The following CDH13 variants were observed in gnomAD, a reference collection of about 807,000 sequenced individuals.
CDH13 encodes the protein cadherin-13.
In CDH13, 24 loss-of-function variants were observed where a neutral mutation model predicts 63.8. That is an observed-to-expected ratio of 0.38 (90% CI 0.27 to 0.53). CDH13 has a LOEUF of 0.53. CDH13 is among the 20% of genes least tolerant of loss of function. The pLI is 0.85. For synonymous variants in CDH13, 503 were observed against 355.3 expected, an observed-to-expected ratio of 1.42 and a Z score of -4.67; for missense variants, 1,049 against 903.1, an observed-to-expected ratio of 1.16 and a Z score of -2.07.
chr16:83,688,135 C>T (rs1230621633), intron 10 of CDH13, among the ~76,000 whole-genome samples: 2 of 152,198 alleles, frequency 1.3e-5, no homozygotes, highest in Non-Finnish European at 2.9e-5. Flanking sequence ...TCATCAAGTC[C>T]TTTTCTTTAA....
chr16:83,422,035 C>T (rs192192425), intron 6 of CDH13, among the ~76,000 whole-genome samples: 4 of 152,100 alleles, frequency 2.6e-5, no homozygotes, highest in Non-Finnish European at 4.4e-5. Context: ...AAGTTAAGTT[C>T]TGACTTATTC....
chr16:83,718,155 G>C (rs1483388646), intron 10 of CDH13, among the ~76,000 whole-genome samples: 1 of 152,194 alleles, frequency 6.6e-6, no homozygotes, highest in Admixed American at 6.5e-5. Context: ...AGCAGGAAGT[G>C]GGACAGGAGA....
intron 7 of CDH13, among the ~76,000 whole-genome samples, chr16:83,501,597 C>A (rs1036414779): frequency 6.6e-6 from 1 of 152,208 alleles, no homozygotes; most frequent in Admixed American, 6.5e-5. Context: ...GTCCATAACA[C>A]TCACAGGAGC....
chr16:82,761,972 A>G (rs961264856), intron 1 of CDH13, among the ~76,000 whole-genome samples: 3 of 152,238 alleles, frequency 2.0e-5, no homozygotes, highest in African/African-American at 7.2e-5. Context: ...TTAAAGGCAC[A>G]AAAGCTAAAA....
At chr16:83,676,057 A>G (rs1171452593) in intron 9 of CDH13, among the ~76,000 whole-genome samples, 3 of 152,288 alleles carry the variant, frequency 2.0e-5, no homozygotes, top group Admixed American at 2.0e-4. Context: ...GCTGCAAATA[A>G]TGACATCCCC....
chr16:83,500,305 TCTC>T (rs1174127202), intron 7 of CDH13, among the ~76,000 whole-genome samples: 1 of 820 alleles, frequency 1.2e-3, no homozygotes, highest in African/African-American at 1.4e-3. Flanking sequence ...TCCTTCTCCT[TCTC>T]CTTCTCCTTC....
chr16:82,782,426 C>T (rs762694103), intron 1 of CDH13, among the ~76,000 whole-genome samples: 16 of 151,964 alleles, frequency 1.1e-4, no homozygotes, highest in Admixed American at 7.9e-4. Context: ...CAGGCAAGTG[C>T]CTGTAATCCT....
chr16:83,528,416 C>T (rs545948597), intron 7 of CDH13, among the ~76,000 whole-genome samples: 10 of 152,194 alleles, frequency 6.6e-5, no homozygotes, highest in Admixed American at 2.6e-4. Context: ...TGCAGTTGGG[C>T]GGTCTGGATG....
intron 2 of CDH13, among the ~76,000 whole-genome samples, chr16:83,022,095 G>C (rs72794179): frequency 0.16 from 24,387 of 152,186 alleles, 2,215 homozygotes; most frequent in East Asian, 0.23. Context: ...TTAAAAGGAA[G>C]GTGGTGCCTC....
chr16:83,046,451 A>G (rs182142486), intron 3 of CDH13, among the ~76,000 whole-genome samples: 75 of 152,336 alleles, frequency 4.9e-4, no homozygotes, highest in Non-Finnish European at 1.0e-3. Context: ...AAGGATAGAA[A>G]AAGAAAAGAA....
chr16:82,767,767 C>A (rs1263769174), intron 1 of CDH13, among the ~76,000 whole-genome samples: 1 of 152,160 alleles, frequency 6.6e-6, no homozygotes, highest in African/African-American at 2.4e-5. Context: ...CACTGGACTG[C>A]CATCCCATTA....
intron 6 of CDH13, among the ~76,000 whole-genome samples, chr16:83,387,170 T>C (rs1360035976): frequency 6.6e-6 from 1 of 152,038 alleles, no homozygotes; most frequent in Non-Finnish European, 1.5e-5. Flanking sequence ...CCAAGAATAG[T>C]ATATGTGAGA....
chr16:83,124,324 G>C (rs896773352), intron 3 of CDH13, among the ~76,000 whole-genome samples: 5 of 152,148 alleles, frequency 3.3e-5, no homozygotes, highest in African/African-American at 7.2e-5. Flanking sequence ...GGGATTATAG[G>C]TGTGAGCCAC....
At chr16:83,785,980 C>A (rs781388438) in intron 13 of CDH13, among the ~76,000 whole-genome samples, 1 of 152,110 alleles carries the variant, frequency 6.6e-6, no homozygotes, top group Non-Finnish European at 1.5e-5. Context: ...CAATAGGAAA[C>A]AGGTGGAGGA....
intron 10 of CDH13, among the ~76,000 whole-genome samples, chr16:83,685,799 G>C (rs1368517174): frequency 6.6e-6 from 1 of 152,206 alleles, no homozygotes; most frequent in African/African-American, 2.4e-5. Flanking sequence ...CAGATGGCTG[G>C]ATTCCGCCAG....
intron 6 of CDH13, among the ~76,000 whole-genome samples, chr16:83,441,795 C>G (rs2072487921): frequency 6.6e-6 from 1 of 152,160 alleles, no homozygotes; most frequent in Non-Finnish European, 1.5e-5. Flanking sequence ...GATGATTCAG[C>G]TCTGGACCCT....
rs149507460 is a variant in CDH13 at position 82,703,308 on chromosome 16, C to T, written c.45+76171C>T. ...GCCCTACTTATGTTCCGTCCCCCCA[C>T]CATTCCTTCTGGCAGCTTCTCACTG... On this transcript the variant is annotated intron_variant, in intron 1 of 13. Coordinates refer to ENST00000567109, the MANE Select transcript of CDH13 (RefSeq NM_001257.5). 1.6e-3 allele frequency among the ~76,000 whole-genome samples: 237 copies of T among 152,256 alleles called. 1 individual carries two copies. The highest frequency in any genetic ancestry group is 5.3e-3 in the African/African-American group (221 of 41,540).
At chr16:83,764,069 A>C (rs1363010547) in intron 11 of CDH13, among the ~76,000 whole-genome samples, 1 of 152,214 alleles carries the variant, frequency 6.6e-6, no homozygotes, top group African/African-American at 2.4e-5. Flanking sequence ...TCATGAATGC[A>C]CAATTCCCAG....
intron 6 of CDH13, among the ~76,000 whole-genome samples, chr16:83,369,411 C>T (rs1039846700): frequency 6.6e-6 from 1 of 151,776 alleles, no homozygotes; most frequent in African/African-American, 2.4e-5. Flanking sequence ...ACCAGAGAGA[C>T]CCTTCTAGTG....
Sources: gnomAD v4.1 joint callset for allele counts (sites outside exome capture counted in the v4.1 genomes callset) on GRCh38, gnomAD v4.1.1 for gene constraint, MANE v1.5 for transcripts, NCBI Gene and HGNC (gene_info 2026-07-23, HGNC 2026-07-21) for gene names.